The following PALS1 variants were observed in gnomAD, a reference collection of about 807,000 sequenced individuals.
PALS1 encodes protein PALS1.
In PALS1, 31 loss-of-function variants were observed where a neutral mutation model predicts 78.9. The observed-to-expected ratio is 0.39, with a 90% CI of 0.30 to 0.53. PALS1 has a LOEUF of 0.53. Among genes scored for constraint, PALS1 ranks in the 20% least tolerant of loss-of-function variants. The pLI is 0.67. For synonymous variants in PALS1, 276 were observed against 270.9 expected (o/e 1.02, Z -0.18); for missense variants, 704 against 826.5 (o/e 0.85, Z 1.82).
At chr14:67,303,127 A>G (rs1029797762) in intron 7 of PALS1, among the ~76,000 whole-genome samples, 1 of 152,240 alleles carries the variant, frequency 6.6e-6, no homozygotes, top group African/African-American at 2.4e-5. Context: ...GGCTACCATT[A>G]TTAAGATACA....
rs1400817170 is a variant in PALS1, at chr14:67,312,574, T to C, written c.1089T>C (p.Tyr363=). ...HFDYDPSDDP[Y]VPCRELGLSF... ...ACTATGACCCCTCAGATGACCCTTA[T>C]GTTCCATGTCGAGAGTTAGGTCTGT... Residue 363 remains tyrosine (Y), a synonymous_variant, in exon 9 of 15, where the codon TAT becomes TAC. Transcript: ENST00000261681. The C allele has an allele frequency of 1.2e-6, 2 of 1,613,170 alleles. No homozygotes were observed. Among genetic ancestry groups the C allele is most frequent in the Non-Finnish European group, 1.7e-6 (2 of 1,179,496 alleles).
chr14:67,247,741 C>A (rs924131117), intron 1 of PALS1, among the ~76,000 whole-genome samples: 2 of 152,042 alleles, frequency 1.3e-5, no homozygotes, highest in African/African-American at 4.8e-5. Context: ...CTATGCCCAG[C>A]TAATTTTTTG....
chr14:67,306,336 T>A (rs1234993026), intron 8 of PALS1, among the ~76,000 whole-genome samples: 1 of 151,958 alleles, frequency 6.6e-6, no homozygotes, highest in African/African-American at 2.4e-5. Flanking sequence ...CTTTTCCTTC[T>A]TTTCTCTTTT....
In PALS1 at chr14:67,291,925, A is replaced by G. The variant is rs567918295; in HGVS notation, c.368-586A>G. Among the ~76,000 whole-genome samples the G allele has an allele frequency of 2.6e-5, 4 of 152,322 alleles. No individual in the cohort carries two copies. In the East Asian group the frequency reaches 5.8e-4, roughly 22 times the overall value. ...TGTCAGAATCTTATCTAAAAGTTCTATTTCTGGGACTTACCTTATGAAGAC... is the reference window on the plus strand; with the variant it reads ...TGTCAGAATCTTATCTAAAAGTTCTGTTTCTGGGACTTACCTTATGAAGAC... On this transcript the variant is annotated intron_variant, in intron 3 of 14. Transcript: ENST00000261681.
intron 7 of PALS1, 55 bp downstream of exon 7, chr14:67,302,626 A>G: frequency 7.9e-7 from 1 of 1,262,924 alleles, no homozygotes; most frequent in Non-Finnish European, 1.0e-6. Context: ...CTCTTATTAG[A>G]CTTTAGAATA....
chr14:67,254,355 T>C (rs1481593274), intron 1 of PALS1: 1 of 152,152 alleles, frequency 6.6e-6, no homozygotes, highest in Non-Finnish European at 1.5e-5. Context: ...TGCAGTATAG[T>C]TATCTTATAG....
intron 4 of PALS1, among the ~76,000 whole-genome samples, chr14:67,295,569 A>C (rs2084836658): frequency 6.6e-6 from 1 of 152,122 alleles, no homozygotes; most frequent in African/African-American, 2.4e-5. Flanking sequence ...TCACTTCACA[A>C]AAAAGAGGAA....
chr14:67,280,808 C>T (rs1423897764), intron 3 of PALS1, among the ~76,000 whole-genome samples: 1 of 110,374 alleles, frequency 9.1e-6, no homozygotes, highest in Non-Finnish European at 1.8e-5. Context: ...TCCTTCCTTC[C>T]TTCCTTCCTT....
intron 3 of PALS1, among the ~76,000 whole-genome samples, chr14:67,285,922 C>G (rs1263081542): frequency 1.3e-5 from 2 of 152,046 alleles, no homozygotes; most frequent in African/African-American, 4.8e-5. Context: ...TATCCTAAAG[C>G]CAAATGTAAG....
At chr14:67,301,239 T>C (rs2084929192) in intron 4 of PALS1, 150 bp from the exon 5 acceptor site, 1 of 467,104 alleles carries the variant, frequency 2.1e-6, no homozygotes, top group Non-Finnish European at 3.8e-6. Flanking sequence ...AATAACAAGA[T>C]TGAAAACTCT....
intron 1 of PALS1, among the ~76,000 whole-genome samples, chr14:67,249,222 A>C (rs2084030081): frequency 6.6e-6 from 1 of 152,194 alleles, no homozygotes; most frequent in African/African-American, 2.4e-5. Context: ...TCGGCCTCCC[A>C]AAGTGCTGGG....
At chr14:67,243,889 T>C (rs1274319) in intron 1 of PALS1, among the ~76,000 whole-genome samples, 152,301 of 152,310 alleles carry the variant, frequency 1, 76,146 homozygotes, top group Non-Finnish European at 1. Context: ...TCATTTTCCA[T>C]GAAAAAGAAA....
At chr14:67,265,527 C>G (rs954073676) in intron 1 of PALS1, among the ~76,000 whole-genome samples, 13 of 152,144 alleles carry the variant, frequency 8.5e-5, no homozygotes, top group Non-Finnish European at 1.8e-4. Flanking sequence ...TGCACTCCAG[C>G]CTGGGCAACA....
At chr14:67,309,363 A>T (rs2085054605) in intron 8 of PALS1, among the ~76,000 whole-genome samples, 1 of 152,234 alleles carries the variant, frequency 6.6e-6, no homozygotes, top group Admixed American at 6.5e-5. Context: ...ACTCATTCAA[A>T]TCATTAATTT....
At chr14:67,301,829 T>G in intron 5 of PALS1, 143 bp from the exon 6 acceptor site, 4 of 975,272 alleles carry the variant, frequency 4.1e-6, no homozygotes, top group Non-Finnish European at 5.7e-6. Context: ...TTAGTATACT[T>G]AACACATCTT....
At chr14:67,255,754 C>T (rs1341252472) in intron 1 of PALS1, among the ~76,000 whole-genome samples, 1 of 152,226 alleles carries the variant, frequency 6.6e-6, no homozygotes, top group Non-Finnish European at 1.5e-5. Context: ...AATCTGGGCT[C>T]ACTGCAACCT....
Position 67,333,366 on chromosome 14 carries a change from C to T in PALS1, c.*410C>T, listed in dbSNP as rs2085479506. The T allele has an allele frequency of 6.5e-6, 1 of 154,684 alleles. No individual in the cohort carries two copies. Among genetic ancestry groups the T allele is most frequent in the Admixed American group, 6.4e-5 (1 of 15,504 alleles). The allele number at this position is 154,684 out of a possible 1,614,324, so 9.6% of individuals were successfully genotyped here. A position where few individuals can be genotyped will look rare whatever the true frequency, so the allele number is the denominator to read the frequency against. ...TGTTAAATCATTAACACTTAAATGA[C>T]TTCATTGGGAATATTGAGCAGAGGG... On this transcript the variant is annotated 3_prime_UTR_variant, in exon 15 of 15. Coordinates refer to ENST00000261681, the MANE Select transcript of PALS1 (RefSeq NM_022474.4).
At chr14:67,263,520 A>G (rs185804597) in intron 1 of PALS1, among the ~76,000 whole-genome samples, 36 of 152,356 alleles carry the variant, frequency 2.4e-4, no homozygotes, top group Admixed American at 5.2e-4. Context: ...ACACTGAACT[A>G]AGAATTAATC....
Position 67,242,165 on chromosome 14 carries a change from G to A in PALS1, c.-237+632G>A, listed in dbSNP as rs1203626470. Among the ~76,000 whole-genome samples the A allele has an allele frequency of 2.6e-5, 4 of 152,178 alleles. No individual in the cohort carries two copies. The East Asian group carries it at 7.7e-4, about 29-fold the overall frequency. ...ATGAAGTTTGCTTTAAACGATCTTT[G>A]TAGTAAATTATGTAACTTTCTAATG... On this transcript the variant is annotated intron_variant, in intron 1 of 14. Coordinates refer to ENST00000261681, the MANE Select transcript of PALS1 (RefSeq NM_022474.4).
Sources: allele counts gnomAD v4.1 joint callset (sites outside exome capture counted in the v4.1 genomes callset), GRCh38; gene constraint gnomAD v4.1.1; transcripts MANE v1.5; gene names NCBI Gene and HGNC (gene_info 2026-07-23, HGNC 2026-07-21).